The following PDIA6 variants were observed in gnomAD, a reference collection of about 807,000 sequenced individuals.
PDIA6 encodes the protein protein disulfide isomerase family A member 6, also known as protein disulfide-isomerase A6.
In PDIA6, 29 loss-of-function variants were observed where a neutral mutation model predicts 58.4. That is an observed-to-expected ratio of 0.50 (90% confidence interval 0.37 to 0.68). PDIA6 has a LOEUF of 0.68. Ranked by LOEUF, PDIA6 falls within the 30% of genes least tolerant of loss-of-function variation. PDIA6 has a pLI of 0.00. For synonymous variants in PDIA6, 192 were observed against 202.6 expected (o/e 0.95, Z 0.44); for missense variants, 480 against 551.0 (o/e 0.87, Z 1.29).
chr2:10,835,400 G>C (rs1667811358), upstream of PDIA6, among the ~76,000 whole-genome samples: 1 of 151,968 alleles, frequency 6.6e-6, no homozygotes, highest in South Asian at 2.1e-4. Context: ...CGTTTCCATC[G>C]CGGGCCTTAT....
intron 8 of PDIA6, among the ~76,000 whole-genome samples, chr2:10,789,325 G>C (rs1404676544): frequency 6.8e-6 from 1 of 147,460 alleles, no homozygotes; most frequent in East Asian, 2.0e-4. Context: ...ACACACTTGA[G>C]GCTCTGTGCC....
chr2:10,836,197 T>C (rs1387913020), upstream of PDIA6, among the ~76,000 whole-genome samples: 2 of 152,080 alleles, frequency 1.3e-5, no homozygotes, highest in Non-Finnish European at 2.9e-5. Context: ...GTCTTTCCCA[T>C]GTAAGAAATA....
chr2:10,806,624 A>AAG lies in PDIA6; in HGVS notation c.20-3986_20-3985dup, dbSNP rs1553339911. 2.4e-4 allele frequency among the ~76,000 whole-genome samples: 34 copies of AAG among 139,658 alleles called. 1 individual carries two copies. Among genetic ancestry groups the AAG allele is most frequent in the Non-Finnish European group, 3.2e-4 (20 of 61,658 alleles). 91.6% of individuals were successfully genotyped at this position (139,658 alleles called of 152,430 possible). ...GCAAAACCACATCTCCTAAAAAATA[A>AAG]AGACAGAAAGAAAGAAAGAAAGAAA... On this transcript the variant is annotated intron_variant, in intron 1 of 12. Transcript: ENST00000272227.
At chr2:10,833,464 G>T (rs533010477), upstream of PDIA6, among the ~76,000 whole-genome samples, 17 of 152,300 alleles carry the variant, frequency 1.1e-4, no homozygotes, top group Non-Finnish European at 2.1e-4. Flanking sequence ...TCACCACAGT[G>T]GGGTAATAAG....
intron 11 of PDIA6, 140 bp from the exon 12 acceptor site, chr2:10,785,170 C>T: frequency 1.6e-6 from 1 of 631,038 alleles, no homozygotes; most frequent in Non-Finnish European, 2.8e-6. Flanking sequence ...CTACATTCCT[C>T]AGAAACACCT....
intron 1 of PDIA6, among the ~76,000 whole-genome samples, chr2:10,822,831 G>A (rs534264363): frequency 6.6e-6 from 1 of 152,234 alleles, no homozygotes; most frequent in Non-Finnish European, 1.5e-5. Flanking sequence ...TGTTATGGCT[G>A]TTGCCTCTCT....
chr2:10,820,720 C>T (rs933577662), intron 1 of PDIA6: 24 of 702,064 alleles, frequency 3.4e-5, no homozygotes, highest in East Asian at 3.0e-4. Context: ...CCTGTATCAG[C>T]GGCACCAGCT....
At chr2:10,811,842 C>A (rs1368584086) in intron 1 of PDIA6, among the ~76,000 whole-genome samples, 1 of 152,210 alleles carries the variant, frequency 6.6e-6, no homozygotes, top group Non-Finnish European at 1.5e-5. Context: ...GCGTCTTAAG[C>A]CCAGCTTTTG....
At chr2:10,829,687 C>A (rs1667650580) in intron 1 of PDIA6, among the ~76,000 whole-genome samples, 1 of 152,188 alleles carries the variant, frequency 6.6e-6, no homozygotes, top group South Asian at 2.1e-4. Flanking sequence ...GCTATTGCAA[C>A]AGCCTCTTTT....
chr2:10,816,077 CT>C (rs57404091), upstream of PDIA6, among the ~76,000 whole-genome samples: 1,025 of 96,402 alleles, frequency 0.011, 9 homozygotes, highest in Admixed American at 0.032. Context: ...AATCATTTGT[CT>C]TTTTTTTTTT....
chr2:10,795,320 A>T lies in PDIA6; in HGVS notation c.346+1761T>A, dbSNP rs560105301. 2.0e-5 allele frequency among the ~76,000 whole-genome samples: 3 copies of T among 152,370 alleles called. No homozygotes were observed. In the East Asian group the frequency reaches 5.8e-4, roughly 29 times the overall value. ...AATTTATAAAAACAGCAGCAGACTG[A>T]CTGCACTAAAAACATGTGCATTTTC... On this transcript the variant is annotated intron_variant, in intron 4 of 12. Coordinates refer to ENST00000272227, the MANE Select transcript of PDIA6 (RefSeq NM_005742.4).
intron 1 of PDIA6, among the ~76,000 whole-genome samples, chr2:10,825,356 CG>C (rs2148579639): frequency 6.6e-6 from 1 of 152,072 alleles, no homozygotes; most frequent in Admixed American, 6.6e-5. Flanking sequence ...CTGACTAATA[CG>C]GTATCTTAAA....
At chr2:10,792,459 A>G (rs1469011767) in intron 5 of PDIA6, among the ~76,000 whole-genome samples, 1 of 152,216 alleles carries the variant, frequency 6.6e-6, no homozygotes, top group Non-Finnish European at 1.5e-5. Flanking sequence ...TAAATGTCTA[A>G]GTTTAAAATA....
intron 6 of PDIA6, among the ~76,000 whole-genome samples, chr2:10,791,559 C>T (rs1185767297): frequency 6.6e-6 from 1 of 152,226 alleles, no homozygotes; most frequent in African/African-American, 2.4e-5. Context: ...ACATGAGCTT[C>T]CCATTCCACC....
chr2:10,823,096 G>A (rs1362966991), intron 1 of PDIA6: 5 of 152,268 alleles, frequency 3.3e-5, no homozygotes, highest in African/African-American at 9.6e-5. Context: ...TTCTCCAGAA[G>A]TAGAGGTGGC....
chr2:10,817,070 G>A (rs746361940), upstream of PDIA6, among the ~76,000 whole-genome samples: 5 of 152,088 alleles, frequency 3.3e-5, no homozygotes, highest in East Asian at 3.9e-4. Flanking sequence ...GCCGTTCTTT[G>A]CCGACGCACA....
At chr2:10,810,275 C>T (rs1251670439) in intron 1 of PDIA6, 1 of 1,534,264 alleles carries the variant, frequency 6.5e-7, no homozygotes. Flanking sequence ...ACCCAAATTT[C>T]TAACCGAAGG....
At chr2:10,803,627 G>A (rs575492325) in intron 1 of PDIA6, among the ~76,000 whole-genome samples, 2 of 152,064 alleles carry the variant, frequency 1.3e-5, no homozygotes, top group South Asian at 4.2e-4. Context: ...TAGCAACTCT[G>A]GAAACTTACA....
At position 10,783,798 on chromosome 2, in the gene PDIA6, A is replaced by ATTGAT. The variant is rs540403004; in HGVS notation, c.*455_*459dup. The ATTGAT allele has an allele frequency of 1.3e-4, 20 of 156,954 alleles. No individual in the cohort carries two copies. The South Asian group carries it at 3.9e-3, about 31-fold the overall frequency. 9.7% of individuals were successfully genotyped at this position (156,954 alleles called of 1,614,324 possible). On this transcript the variant is annotated 3_prime_UTR_variant, in exon 13 of 13. Transcript: ENST00000272227. ...AGACATCTGTGTATCACTTCAAAAT[A>ATTGAT]TTGATTTACTGCTAAACATCACTCT...
Sources: gnomAD v4.1 joint callset for allele counts (sites outside exome capture counted in the v4.1 genomes callset) on GRCh38, gnomAD v4.1.1 for gene constraint, MANE v1.5 for transcripts, NCBI Gene and HGNC (gene_info 2026-07-23, HGNC 2026-07-21) for gene names.